Variants in SCAPER observed in about 807,000 individuals in gnomAD.
SCAPER encodes S-phase cyclin A associated protein in the ER.
In SCAPER, 98 loss-of-function variants were observed where a neutral mutation model predicts 182.2. The observed-to-expected ratio is 0.54, with a 90% CI of 0.46 to 0.64. The LOEUF (loss-of-function observed/expected upper bound fraction) is 0.64. Among genes scored for constraint, SCAPER ranks in the 30% least tolerant of loss-of-function variants. SCAPER has a pLI of 0.00. For synonymous variants in SCAPER, 605 were observed against 564.6 expected, an observed-to-expected ratio of 1.07 and a Z score of -1.01; for missense variants, 1,432 against 1,690.0, an observed-to-expected ratio of 0.85 and a Z score of 2.68.
chr15:76,763,307 G>A (rs1478220205), intron 14 of SCAPER, among the ~76,000 whole-genome samples: 1 of 133,300 alleles, frequency 7.5e-6, no homozygotes, highest in Non-Finnish European at 1.6e-5. Context: ...TCCTAGCCTG[G>A]AAGATTCATG....
chr15:76,505,042 G>A, intron 23 of SCAPER, 68 bp from the exon 24 acceptor site: 2 of 1,102,512 alleles, frequency 1.8e-6, no homozygotes, highest in Non-Finnish European at 2.7e-6. Flanking sequence ...AATGATATCT[G>A]TAGTCTGAAA....
chr15:76,772,321 C>A (rs2151321334), intron 9 of SCAPER, among the ~76,000 whole-genome samples: 1 of 152,038 alleles, frequency 6.6e-6, no homozygotes, highest in South Asian at 2.1e-4. Context: ...ACTCATACAA[C>A]CAAAAGTATT....
intron 22 of SCAPER, among the ~76,000 whole-genome samples, chr15:76,579,637 A>G (rs1235865387): frequency 1.3e-5 from 2 of 152,120 alleles, no homozygotes; most frequent in African/African-American, 4.8e-5. Context: ...AAAAGACCAC[A>G]AAATAACCAG....
chr15:76,442,881 CTTTA>C (rs1239920077), intron 25 of SCAPER, among the ~76,000 whole-genome samples: 1 of 152,062 alleles, frequency 6.6e-6, no homozygotes, highest in Non-Finnish European at 1.5e-5. Context: ...TTCTGTAGGT[CTTTA>C]TTTATGAGTA....
At chr15:76,373,896 ATTTTTT>A (rs796315925) in intron 29 of SCAPER, among the ~76,000 whole-genome samples, 1 of 142,064 alleles carries the variant, frequency 7.0e-6, no homozygotes, top group Non-Finnish European at 1.5e-5. Context: ...GGCCTGCCTT[ATTTTTT>A]TTTTTTGTCT....
intron 22 of SCAPER, among the ~76,000 whole-genome samples, chr15:76,587,261 G>A (rs2048736498): frequency 1.3e-5 from 2 of 151,942 alleles, no homozygotes; most frequent in South Asian, 4.1e-4. Flanking sequence ...TTTATCTGTT[G>A]TATTTATTTT....
At position 76,585,090 on chromosome 15, in the gene SCAPER, C is replaced by T. The variant is rs556135456; in HGVS notation, c.2712-10806G>A. Among the ~76,000 whole-genome samples, 5 of 152,198 alleles carry T rather than the reference C, an allele frequency of 3.3e-5. No homozygotes were observed. In the East Asian group the frequency reaches 5.8e-4, roughly 18 times the overall value. On this transcript the variant is annotated intron_variant, in intron 22 of 31. Coordinates refer to ENST00000563290, the MANE Select transcript of SCAPER (RefSeq NM_020843.4). ...AGTACCTATACTTGAATTCTGGCTC[C>T]AGCACACACCATGTGTATAAACCCT...
chr15:76,720,066 C>T (rs1197640064), intron 17 of SCAPER, among the ~76,000 whole-genome samples: 4 of 150,842 alleles, frequency 2.7e-5, no homozygotes, highest in Admixed American at 1.3e-4. Context: ...TCTCCTAATG[C>T]TATACTTCCC....
chr15:76,480,505 G>C (rs2051024065), intron 24 of SCAPER, among the ~76,000 whole-genome samples: 1 of 152,146 alleles, frequency 6.6e-6, no homozygotes, highest in Non-Finnish European at 1.5e-5. Flanking sequence ...ACTGAGACTT[G>C]GGTCAAACCA....
chr15:76,875,647 C>T (rs994367411), intron 2 of SCAPER, among the ~76,000 whole-genome samples: 1 of 152,152 alleles, frequency 6.6e-6, no homozygotes, highest in Non-Finnish European at 1.5e-5. Flanking sequence ...AGAATGAAGC[C>T]GCAGACCGTT....
intron 15 of SCAPER, among the ~76,000 whole-genome samples, chr15:76,742,386 A>T (rs972505538): frequency 1.1e-3 from 3 of 2,822 alleles, no homozygotes; most frequent in Non-Finnish European, 5.7e-3. Flanking sequence ...TTAACTGATA[A>T]AAAAAAACAA....
intron 2 of SCAPER, among the ~76,000 whole-genome samples, chr15:76,873,609 C>A (rs769748181): frequency 6.6e-5 from 10 of 152,010 alleles, no homozygotes; most frequent in Non-Finnish European, 7.4e-5. Flanking sequence ...GAGATTTTAA[C>A]ACAACACACT....
intron 2 of SCAPER, among the ~76,000 whole-genome samples, chr15:76,867,409 A>G (rs1460373738): frequency 6.6e-6 from 1 of 152,220 alleles, no homozygotes; most frequent in Admixed American, 6.5e-5. Flanking sequence ...CTTACCTGAG[A>G]AACCATGTAA....
chr15:76,563,846 G>T lies in SCAPER; in HGVS notation c.2838+10312C>A, dbSNP rs1285418236. ...GTAGGTCTCATCTCTGGAATGGAAG[G>T]TTGGTTCAACATATGCAAATAAATA... On this transcript the variant is annotated intron_variant, in intron 23 of 31. Coordinates refer to ENST00000563290, the MANE Select transcript of SCAPER (RefSeq NM_020843.4). 2.6e-5 allele frequency among the ~76,000 whole-genome samples: 4 copies of T among 152,150 alleles called. No homozygotes were observed. In the South Asian group the frequency reaches 6.2e-4, roughly 24 times the overall value.
At chr15:76,559,051 C>T (rs1397848888) in intron 23 of SCAPER, among the ~76,000 whole-genome samples, 15 of 149,510 alleles carry the variant, frequency 1.0e-4, no homozygotes, top group African/African-American at 3.4e-4. Flanking sequence ...TTTTTTTTTT[C>T]GGAGATGGAG....
At chr15:76,536,650 T>A (rs889793534) in intron 23 of SCAPER, among the ~76,000 whole-genome samples, 1 of 152,046 alleles carries the variant, frequency 6.6e-6, no homozygotes, top group Middle Eastern at 3.2e-3. Context: ...CTTTGAAAAC[T>A]GGCACAAGAC....
chr15:76,637,768 GT>G (rs2053756451), intron 21 of SCAPER, among the ~76,000 whole-genome samples: 1 of 141,906 alleles, frequency 7.0e-6, no homozygotes, highest in South Asian at 2.2e-4. Flanking sequence ...GTGTGTGTGT[GT>G]GTGTGTGTGT....
intron 4 of SCAPER, among the ~76,000 whole-genome samples, chr15:76,842,652 C>G (rs991141102): frequency 6.6e-6 from 1 of 152,120 alleles, no homozygotes; most frequent in Non-Finnish European, 1.5e-5. Flanking sequence ...AACCAATCCC[C>G]CATGGATACT....
intron 1 of SCAPER, among the ~76,000 whole-genome samples, chr15:76,896,614 G>T (rs578101301): frequency 6.6e-6 from 1 of 152,032 alleles, no homozygotes; most frequent in East Asian, 1.9e-4. Context: ...CACAGAAAGA[G>T]AAAAAACAAT....
Sources: gnomAD v4.1 joint callset for allele counts (sites outside exome capture counted in the v4.1 genomes callset) on GRCh38, gnomAD v4.1.1 for gene constraint, MANE v1.5 for transcripts, NCBI Gene and HGNC (gene_info 2026-07-23, HGNC 2026-07-21) for gene names.